DGKI: variants seen among roughly 807,000 people sequenced by gnomAD.
The protein encoded by DGKI is diacylglycerol kinase iota, also known as DAG kinase iota.
A neutral mutation model predicts 147.5 loss-of-function variants in DGKI; 55 were observed. The observed-to-expected ratio is 0.37, with a 90% CI of 0.30 to 0.47. The LOEUF (loss-of-function observed/expected upper bound fraction) is 0.47. DGKI is among the 20% of genes least tolerant of loss of function. DGKI has a pLI of 1.00. For synonymous variants in DGKI, 469 were observed against 477.1 expected, an observed-to-expected ratio of 0.98 and a Z score of 0.22; for missense variants, 1,007 against 1,323.8, an observed-to-expected ratio of 0.76 and a Z score of 3.71.
intron 15 of DGKI, 76 bp from the exon 16 acceptor site, chr7:137,578,401 T>C: frequency 1.0e-6 from 1 of 986,388 alleles, no homozygotes; most frequent in Non-Finnish European, 1.6e-6. Context: ...TCCTACTTCC[T>C]CCCCAGCTCC....
chr7:137,840,439 G>A (rs1798513103), intron 1 of DGKI, among the ~76,000 whole-genome samples: 1 of 152,254 alleles, frequency 6.6e-6, no homozygotes, highest in Admixed American at 6.5e-5. Context: ...TGAAGGAAAA[G>A]TCAACAGAAA....
intron 23 of DGKI, among the ~76,000 whole-genome samples, chr7:137,483,451 T>G (rs113351030): frequency 7.0e-4 from 106 of 152,232 alleles, no homozygotes; most frequent in African/African-American, 1.8e-3. Context: ...ATTTTAATTT[T>G]TATTTTAAGT....
chr7:137,400,481 G>T (rs1013378556), intron 30 of DGKI, among the ~76,000 whole-genome samples: 1 of 152,164 alleles, frequency 6.6e-6, no homozygotes, highest in Non-Finnish European at 1.5e-5. Flanking sequence ...TGCAAGTGAG[G>T]GGATCCTCAA....
intron 2 of DGKI, among the ~76,000 whole-genome samples, chr7:137,680,295 C>T (rs886274424): frequency 6.6e-6 from 1 of 152,216 alleles, no homozygotes; most frequent in Non-Finnish European, 1.5e-5. Context: ...GAAATGAAGT[C>T]TGTTGTTTAA....
At chr7:137,766,489 A>G (rs999579675) in intron 1 of DGKI, among the ~76,000 whole-genome samples, 2 of 152,236 alleles carry the variant, frequency 1.3e-5, no homozygotes, top group African/African-American at 4.8e-5. Flanking sequence ...ACCTATTAGC[A>G]CAAAGAAAGT....
In DGKI at chr7:137,834,800, C is replaced by T. The variant is rs146653478; in HGVS notation, c.401+11662G>A. On this transcript the variant is annotated intron_variant, in intron 1 of 32. Coordinates refer to ENST00000614521, the MANE Select transcript of DGKI (RefSeq NM_001321708.2). ...GAGATGGCAGAAATGCCTTTTATGCCTTAAAAGGCAGGGCCAAGGGCTTCA... is the reference window on the plus strand; with the variant it reads ...GAGATGGCAGAAATGCCTTTTATGCTTTAAAAGGCAGGGCCAAGGGCTTCA... 7.2e-5 allele frequency among the ~76,000 whole-genome samples: 11 copies of T among 152,328 alleles called. No individual in the cohort carries two copies. In the East Asian group the frequency reaches 1.9e-3, roughly 27 times the overall value.
At chr7:137,407,808 A>G in intron 30 of DGKI, 67 bp downstream of exon 30, 1 of 1,585,026 alleles carries the variant, frequency 6.3e-7, no homozygotes, top group Non-Finnish European at 8.6e-7. Context: ...AGGGTAACTT[A>G]GAAAATGCAA....
intron 20 of DGKI, among the ~76,000 whole-genome samples, chr7:137,533,944 G>A (rs1817430206): frequency 6.6e-6 from 1 of 152,070 alleles, no homozygotes; most frequent in Admixed American, 6.6e-5. Context: ...GTGTTCTAGG[G>A]ATTAATTAAA....
intron 6 of DGKI, among the ~76,000 whole-genome samples, chr7:137,631,295 C>T (rs1412908318): frequency 6.6e-6 from 1 of 152,212 alleles, no homozygotes; most frequent in African/African-American, 2.4e-5. Flanking sequence ...TTGTGCCCCT[C>T]CTTGCTTCAT....
In DGKI at chr7:137,524,914, G is replaced by A. The variant is rs992050470; in HGVS notation, c.2148-2948C>T. Among the ~76,000 whole-genome samples, 11 of 152,058 alleles carry A rather than the reference G, an allele frequency of 7.2e-5. 1 individual carries two copies. Among genetic ancestry groups the A allele is most frequent in the African/African-American group, 1.9e-4 (8 of 41,414 alleles). ...ACCAGTTCCTGGACTCCCCTTCCTG[G>A]AGCTCCCCAATTTGGGGCTTACCAG... On this transcript the variant is annotated intron_variant, in intron 20 of 32. Coordinates refer to ENST00000614521, the MANE Select transcript of DGKI (RefSeq NM_001321708.2).
chr7:137,768,825 C>T (rs1308958886), intron 1 of DGKI, among the ~76,000 whole-genome samples: 1 of 152,148 alleles, frequency 6.6e-6, no homozygotes, highest in East Asian at 1.9e-4. Flanking sequence ...AATTGTGTTC[C>T]GGAGTCTTCT....
At chr7:137,590,135 T>C (rs974952918) in intron 12 of DGKI, among the ~76,000 whole-genome samples, 2 of 151,992 alleles carry the variant, frequency 1.3e-5, no homozygotes, top group East Asian at 1.9e-4. Context: ...GTCTTGCAAA[T>C]AGCAGAGGAA....
intron 21 of DGKI, among the ~76,000 whole-genome samples, chr7:137,507,883 C>T (rs1024385262): frequency 1.2e-4 from 19 of 152,052 alleles, no homozygotes; most frequent in Admixed American, 3.9e-4. Flanking sequence ...CACTCTTCCA[C>T]GAGGAGCTGT....
rs946404584 is a variant in DGKI, at chr7:137,383,937, T to G, written c.*7283A>C. 2.6e-5 allele frequency: 4 copies of G among 152,044 alleles called. No homozygotes were observed. The allele number at this position is 152,044 out of a possible 1,614,324, so 9.4% of individuals were successfully genotyped here. On this transcript the variant is annotated 3_prime_UTR_variant, in exon 33 of 33. Coordinates refer to ENST00000614521, the MANE Select transcript of DGKI (RefSeq NM_001321708.2). ...CCTTGTAAAGTATGAGATTCTGAAC[T>G]GAAGGACATTTCAAGCCTGTTTGTT... is the stretch of plus-strand genomic sequence containing the variant.
At chr7:137,802,940 A>G (rs901785604) in intron 1 of DGKI, among the ~76,000 whole-genome samples, 2 of 152,208 alleles carry the variant, frequency 1.3e-5, no homozygotes, top group African/African-American at 4.8e-5. Context: ...AGATGAGAAA[A>G]ACTCTCAAGA....
chr7:137,578,973 T>C (rs1180604707), intron 15 of DGKI, among the ~76,000 whole-genome samples: 1 of 152,208 alleles, frequency 6.6e-6, no homozygotes, highest in Non-Finnish European at 1.5e-5. Flanking sequence ...GTCCATTTGA[T>C]GGGCTATATT....
At chr7:137,544,125 T>C (rs943158429) in intron 20 of DGKI, among the ~76,000 whole-genome samples, 5 of 152,152 alleles carry the variant, frequency 3.3e-5, no homozygotes, top group African/African-American at 1.2e-4. Flanking sequence ...TACTTTACTG[T>C]ATGTAGCACG....
At chr7:137,514,614 A>G (rs971179259) in intron 21 of DGKI, among the ~76,000 whole-genome samples, 3 of 152,118 alleles carry the variant, frequency 2.0e-5, no homozygotes, top group Non-Finnish European at 4.4e-5. Context: ...AATCCTCTGC[A>G]TCTTCCCTAC....
In DGKI at chr7:137,690,021, C is replaced by CAAAAAA; in HGVS notation, c.402-20_402-19insTTTTTT. The CAAAAAA allele has an allele frequency of 6.4e-7, 1 of 1,564,016 alleles. No individual in the cohort carries two copies. Among genetic ancestry groups the CAAAAAA allele is most frequent in the Non-Finnish European group, 8.7e-7 (1 of 1,156,018 alleles). On this transcript the variant is annotated intron_variant, in intron 1 of 32. Transcript: ENST00000614521. Reference sequence around the variant, plus strand: ...TGCTTTCCTGCAGCAAGAAGAAAAACAAAAACAAAAACAAAGAAAAACCAA... The same window carrying CAAAAAA: ...TGCTTTCCTGCAGCAAGAAGAAAAACAAAAAAAAAAACAAAAACAAAGAAAAACCAA...
Sources: allele counts gnomAD v4.1 joint callset (sites outside exome capture counted in the v4.1 genomes callset), GRCh38; gene constraint gnomAD v4.1.1; transcripts MANE v1.5; gene names NCBI Gene and HGNC (gene_info 2026-07-23, HGNC 2026-07-21).